STAU2: variants seen among roughly 807,000 people sequenced by gnomAD.
STAU2 encodes staufen double-stranded RNA binding protein 2.
In STAU2, 20 loss-of-function variants were observed where a neutral mutation model predicts 65.9. That is an observed-to-expected ratio of 0.30 (90% confidence interval 0.21 to 0.44). STAU2 has a LOEUF of 0.44. STAU2 is among the 20% of genes least tolerant of loss of function. The pLI, the probability that STAU2 is intolerant of heterozygous loss-of-function variation, is 1.00. For missense variants in STAU2, 558 were observed against 683.9 expected (o/e 0.82, Z 2.05); for synonymous variants, 232 against 233.9 (o/e 0.99, Z 0.07).
At chr8:73,481,500 C>CAAAAAAAAAA (rs766805913) in intron 13 of STAU2, among the ~76,000 whole-genome samples, 2 of 60,030 alleles carry the variant, frequency 3.3e-5, no homozygotes, top group African/African-American at 7.5e-5. Context: ...CAAAATAAGC[C>CAAAAAAAAAA]AAAAAAACAA....
Position 73,627,205 on chromosome 8 carries a change from C to CAGCG in STAU2, c.411-9755_411-9754insCGCT, listed in dbSNP as rs1813707591. 1.3e-3 allele frequency among the ~76,000 whole-genome samples: 5 copies of CAGCG among 3,986 alleles called. 2 individuals carry two copies. The highest frequency in any genetic ancestry group is 5.7e-3 in the African/African-American group (4 of 706). 2.6% of individuals were successfully genotyped at this position (3,986 alleles called of 152,430 possible). On this transcript the variant is annotated intron_variant, in intron 6 of 14. Transcript: ENST00000524300. Reference sequence around the variant, plus strand: ...ATTGTGGAGTGATGCTGCAGGAATACGGCGGGGGGGGGGGGGGAGGGGGGG... The same window carrying CAGCG: ...ATTGTGGAGTGATGCTGCAGGAATACAGCGGGCGGGGGGGGGGGGGGAGGGGGGG...
intron 6 of STAU2, among the ~76,000 whole-genome samples, chr8:73,662,521 C>T (rs1213813898): frequency 6.6e-6 from 1 of 152,078 alleles, no homozygotes; most frequent in Non-Finnish European, 1.5e-5. Context: ...GGAAATTTTA[C>T]TTTAACTTTT....
intron 1 of STAU2, among the ~76,000 whole-genome samples, chr8:73,744,558 T>C (rs2130799509): frequency 1.3e-5 from 2 of 152,196 alleles, no homozygotes; most frequent in African/African-American, 4.8e-5. Context: ...GATTTCTGGA[T>C]TGTTTGTATA....
At chr8:73,543,619 C>A (rs1806699047) in intron 13 of STAU2, among the ~76,000 whole-genome samples, 1 of 152,178 alleles carries the variant, frequency 6.6e-6, no homozygotes, top group Non-Finnish European at 1.5e-5. Context: ...CTACACCAAA[C>A]CCTCCCCTCT....
intron 13 of STAU2, among the ~76,000 whole-genome samples, chr8:73,423,025 T>C (rs1173466861): frequency 6.6e-6 from 1 of 152,266 alleles, no homozygotes; most frequent in Non-Finnish European, 1.5e-5. Context: ...CTCACGTTAC[T>C]GAAACTACAC....
chr8:73,459,785 T>C (rs903323105), intron 13 of STAU2, among the ~76,000 whole-genome samples: 2 of 152,202 alleles, frequency 1.3e-5, no homozygotes, highest in Non-Finnish European at 2.9e-5. Context: ...CTGCTGAATA[T>C]ATGCATTCAA....
intron 6 of STAU2, among the ~76,000 whole-genome samples, chr8:73,628,983 G>A (rs7015090): frequency 0.083 from 12,637 of 152,134 alleles, 601 homozygotes; most frequent in Middle Eastern, 0.15. Flanking sequence ...TTACATCAGC[G>A]GTATTGCAGA....
intron 6 of STAU2, among the ~76,000 whole-genome samples, chr8:73,637,056 G>A (rs113530761): frequency 2.0e-5 from 3 of 151,554 alleles, no homozygotes; most frequent in Admixed American, 6.6e-5. Context: ...AAAAGGAGAT[G>A]ACCAAGGAAT....
At chr8:73,610,693 T>C (rs534481916) in intron 9 of STAU2, among the ~76,000 whole-genome samples, 1 of 152,342 alleles carries the variant, frequency 6.6e-6, no homozygotes, top group South Asian at 2.1e-4. Flanking sequence ...AGTCTTGTAA[T>C]AATTGTGTCC....
At chr8:73,683,474 C>T (rs1818573846) in intron 5 of STAU2, among the ~76,000 whole-genome samples, 1 of 152,100 alleles carries the variant, frequency 6.6e-6, no homozygotes, top group Non-Finnish European at 1.5e-5. Context: ...GTAATAAAAG[C>T]ATCTATAACA....
chr8:73,687,337 T>A (rs138385306), intron 5 of STAU2, among the ~76,000 whole-genome samples: 24,270 of 100,540 alleles, frequency 0.24, 3,663 homozygotes, highest in East Asian at 0.43. Flanking sequence ...ATAAATATAA[T>A]TTATATTTAT....
chr8:73,491,425 G>A (rs912563543), intron 13 of STAU2, among the ~76,000 whole-genome samples: 24 of 151,904 alleles, frequency 1.6e-4, no homozygotes, highest in African/African-American at 5.8e-4. Flanking sequence ...CTCAACAGGT[G>A]ACTTAAATAG....
At chr8:73,732,868 A>G (rs1011438116) in intron 3 of STAU2, 4 of 152,124 alleles carry the variant, frequency 2.6e-5, no homozygotes, top group Non-Finnish European at 4.4e-5. Flanking sequence ...AGCAATATTA[A>G]TAGTAAAATT....
intron 10 of STAU2, among the ~76,000 whole-genome samples, chr8:73,599,247 A>G (rs1420807520): frequency 6.6e-6 from 1 of 152,196 alleles, no homozygotes; most frequent in Non-Finnish European, 1.5e-5. Flanking sequence ...CTTATTATGA[A>G]GTTAATATAA....
chr8:73,520,286 G>T (rs1822972016), intron 13 of STAU2, among the ~76,000 whole-genome samples: 1 of 152,130 alleles, frequency 6.6e-6, no homozygotes, highest in South Asian at 2.1e-4. Context: ...TAAATCAGAT[G>T]TATTATAAGA....
At chr8:73,546,123 C>CT (rs71561528) in intron 13 of STAU2, among the ~76,000 whole-genome samples, 27,709 of 93,208 alleles carry the variant, frequency 0.3, 4,501 homozygotes, top group Admixed American at 0.35. Context: ...GTTTGGTTTT[C>CT]TTTTTTTTTT....
intron 6 of STAU2, among the ~76,000 whole-genome samples, chr8:73,618,370 A>T (rs1812989989): frequency 6.6e-6 from 1 of 152,200 alleles, no homozygotes; most frequent in Non-Finnish European, 1.5e-5. Flanking sequence ...GAAATAAGTT[A>T]GGGAACAAGC....
intron 6 of STAU2, among the ~76,000 whole-genome samples, chr8:73,642,728 T>C (rs1336027404): frequency 1.3e-5 from 2 of 152,068 alleles, no homozygotes; most frequent in Non-Finnish European, 2.9e-5. Context: ...GGCAGGGGCC[T>C]GGGGAATGTC....
chr8:73,608,863 A>G (rs907507912), intron 9 of STAU2, among the ~76,000 whole-genome samples: 1 of 151,884 alleles, frequency 6.6e-6, no homozygotes, highest in African/African-American at 2.4e-5. Context: ...GGTGGTGGGC[A>G]CCTGTAATCC....
Sources: gnomAD v4.1 joint callset for allele counts (sites outside exome capture counted in the v4.1 genomes callset) on GRCh38, gnomAD v4.1.1 for gene constraint, MANE v1.5 for transcripts, NCBI Gene and HGNC (gene_info 2026-07-23, HGNC 2026-07-21) for gene names.